The following ZMAT4 variants were observed in gnomAD, a reference collection of about 807,000 sequenced individuals.
ZMAT4 encodes zinc finger matrin-type protein 4.
ZMAT4 carries 17 observed loss-of-function variants against 28.7 expected under a neutral mutation model. The observed-to-expected ratio is 0.59, with a 90% CI of 0.41 to 0.89. The LOEUF is 0.89. Among genes scored for constraint, ZMAT4 ranks in the 40% least tolerant of loss-of-function variants. The probability of loss-of-function intolerance (pLI) is 0.00; values close to 1 mark genes in which losing one functional copy is unlikely to be tolerated. For synonymous variants in ZMAT4, 117 were observed against 109.2 expected, an observed-to-expected ratio of 1.07 and a Z score of -0.44; for missense variants, 240 against 283.8, an observed-to-expected ratio of 0.85 and a Z score of 1.11.
chr8:40,606,584 G>A (rs1034772385), intron 5 of ZMAT4, among the ~76,000 whole-genome samples: 3 of 152,206 alleles, frequency 2.0e-5, no homozygotes, highest in Non-Finnish European at 2.9e-5. Context: ...CAGGTTACCT[G>A]ATGTTTTTGC....
rs532089252 is a variant in ZMAT4 at position 40,812,225 on chromosome 8, GACTTTGAAGTGGAGAAACCT to G, written c.102+13330_102+13349del. On this transcript the variant is annotated intron_variant, in intron 2 of 6. Transcript: ENST00000297737. ...ACAATGGAAAGAGAAGGACTGGAGT[GACTTTGAAGTGGAGAAACCT>G]GACAGTCACTCCCTCAGCCAGGTGA... Among the ~76,000 whole-genome samples the G allele has an allele frequency of 2.4e-3, 359 of 152,290 alleles. 2 individuals are homozygous for G. Among genetic ancestry groups the G allele is most frequent in the Non-Finnish European group, 2.2e-3 (148 of 68,022 alleles).
At chr8:40,568,990 T>A (rs887336524) in intron 6 of ZMAT4, among the ~76,000 whole-genome samples, 1 of 152,192 alleles carries the variant, frequency 6.6e-6, no homozygotes, top group Non-Finnish European at 1.5e-5. Context: ...GGTACAATCA[T>A]CTCTATAATC....
intron 5 of ZMAT4, among the ~76,000 whole-genome samples, chr8:40,662,911 C>A (rs1437169975): frequency 6.6e-6 from 1 of 152,180 alleles, no homozygotes; most frequent in Non-Finnish European, 1.5e-5. Context: ...ACTTTTCCCC[C>A]TTGACCTCTG....
chr8:40,626,414 G>T (rs1033206564), intron 5 of ZMAT4, among the ~76,000 whole-genome samples: 3 of 152,148 alleles, frequency 2.0e-5, no homozygotes, highest in Non-Finnish European at 4.4e-5. Context: ...AGCAGCACTA[G>T]AAGAGACTTT....
At chr8:40,763,214 G>C (rs530481468) in intron 3 of ZMAT4, among the ~76,000 whole-genome samples, 40 of 152,262 alleles carry the variant, frequency 2.6e-4, no homozygotes, top group African/African-American at 9.6e-4. Context: ...GTTGGGGAAG[G>C]TGTCCATGTC....
chr8:40,600,538 T>G (rs1176559021), intron 5 of ZMAT4, among the ~76,000 whole-genome samples: 3 of 152,196 alleles, frequency 2.0e-5, no homozygotes, highest in Non-Finnish European at 2.9e-5. Context: ...CCTTTGACAG[T>G]CTCTGGGCTG....
intron 3 of ZMAT4, among the ~76,000 whole-genome samples, chr8:40,757,371 C>T (rs145610685): frequency 1.3e-5 from 2 of 152,084 alleles, no homozygotes; most frequent in African/African-American, 4.8e-5. Context: ...CATACACACA[C>T]GCATGCACAC....
intron 5 of ZMAT4, among the ~76,000 whole-genome samples, chr8:40,672,216 T>G (rs994825673): frequency 1.3e-5 from 2 of 152,200 alleles, no homozygotes; most frequent in Non-Finnish European, 2.9e-5. Flanking sequence ...CTGATACCAT[T>G]TTATTAAAGT....
chr8:40,638,357 G>A (rs746247301), intron 5 of ZMAT4, among the ~76,000 whole-genome samples: 2 of 152,144 alleles, frequency 1.3e-5, no homozygotes, highest in Non-Finnish European at 2.9e-5. Flanking sequence ...GTCAATTAAA[G>A]ATAAAGTTAA....
In ZMAT4 at chr8:40,722,711, G is replaced by C. The variant is rs936423635; in HGVS notation, c.193-25310C>G. On this transcript the variant is annotated intron_variant, in intron 3 of 6. Transcript: ENST00000297737. Reference sequence around the variant, plus strand: ...TACACCACCAACAAACACCCTCCCTGCTCACAGTCAGGAGGAGGAACCTGC... The same window carrying C: ...TACACCACCAACAAACACCCTCCCTCCTCACAGTCAGGAGGAGGAACCTGC... Among the ~76,000 whole-genome samples, 4 of 152,084 alleles carry C rather than the reference G, an allele frequency of 2.6e-5. 1 individual carries two copies. Among genetic ancestry groups the C allele is most frequent in the Admixed American group, 2.0e-4 (3 of 15,266 alleles).
At chr8:40,578,538 A>C (rs1166364195) in intron 6 of ZMAT4, among the ~76,000 whole-genome samples, 1 of 152,200 alleles carries the variant, frequency 6.6e-6, no homozygotes, top group Non-Finnish European at 1.5e-5. Context: ...CTTACTAAAA[A>C]AAAATTGATT....
chr8:40,545,950 TA>T (rs36053017), intron 6 of ZMAT4, among the ~76,000 whole-genome samples: 172 of 132,846 alleles, frequency 1.3e-3, no homozygotes, highest in Middle Eastern at 4.1e-3. Flanking sequence ...TGAAGCCCAG[TA>T]AAAAAAAAAA....
chr8:40,890,377 T>C (rs563819242), intron 1 of ZMAT4, among the ~76,000 whole-genome samples: 38 of 152,230 alleles, frequency 2.5e-4, no homozygotes, highest in African/African-American at 7.5e-4. Flanking sequence ...ACTATGACCT[T>C]TCTTTGTCAC....
chr8:40,668,082 A>G (rs1268743394), intron 5 of ZMAT4, among the ~76,000 whole-genome samples: 2 of 152,180 alleles, frequency 1.3e-5, no homozygotes, highest in Admixed American at 1.3e-4. Context: ...CTAAAGCTGT[A>G]GAAGTTAATG....
At chr8:40,881,447 GAAAGAAAGAAAGAAAGAA>G (rs1818229184) in intron 1 of ZMAT4, among the ~76,000 whole-genome samples, 4 of 115,502 alleles carry the variant, frequency 3.5e-5, no homozygotes, top group African/African-American at 1.1e-4. Context: ...AAGAAAGAAA[GAAAGAAAGAAAGAAAGAA>G]AGAAAGAAAG....
At chr8:40,710,991 G>C (rs1184320347) in intron 3 of ZMAT4, among the ~76,000 whole-genome samples, 1 of 151,946 alleles carries the variant, frequency 6.6e-6, no homozygotes, top group Non-Finnish European at 1.5e-5. Context: ...TCACCATGTT[G>C]GCTAGGATGG....
intron 5 of ZMAT4, among the ~76,000 whole-genome samples, chr8:40,614,401 G>A (rs1805918667): frequency 6.6e-6 from 1 of 152,206 alleles, no homozygotes; most frequent in South Asian, 2.1e-4. Flanking sequence ...TGTATATTCT[G>A]TTGATTTGGG....
At chr8:40,629,112 AC>A (rs1188009162) in intron 5 of ZMAT4, among the ~76,000 whole-genome samples, 2 of 149,392 alleles carry the variant, frequency 1.3e-5, no homozygotes, top group African/African-American at 4.9e-5. Flanking sequence ...CCATGATTCG[AC>A]CTCTATCTTA....
At chr8:40,700,396 G>A (rs777220668) in intron 3 of ZMAT4, among the ~76,000 whole-genome samples, 42 of 148,424 alleles carry the variant, frequency 2.8e-4, no homozygotes, top group Non-Finnish European at 5.8e-4. Flanking sequence ...TCCTTGAGGG[G>A]AAGCTGCTGC....
Sources: allele counts gnomAD v4.1 joint callset (sites outside exome capture counted in the v4.1 genomes callset), GRCh38; gene constraint gnomAD v4.1.1; transcripts MANE v1.5; gene names NCBI Gene and HGNC (gene_info 2026-07-23, HGNC 2026-07-21).